The following L3MBTL4 variants were observed in gnomAD, a reference collection of about 807,000 sequenced individuals.
L3MBTL4 encodes L3MBTL histone methyl-lysine binding protein 4, also known as lethal(3)malignant brain tumor-like protein 4.
A neutral mutation model predicts 84.5 loss-of-function variants in L3MBTL4; 70 were observed. That is an observed-to-expected ratio of 0.83 (90% CI 0.68 to 1.01). The LOEUF (loss-of-function observed/expected upper bound fraction) is 1.01, where lower values mean the gene tolerates loss of function less well. Ranked by LOEUF, L3MBTL4 falls within the 50% of genes least tolerant of loss-of-function variation. The pLI is 0.00. For missense variants in L3MBTL4, 715 were observed against 754.8 expected (o/e 0.95, Z 0.62); for synonymous variants, 274 against 259.8 (o/e 1.05, Z -0.52).
intron 14 of L3MBTL4, among the ~76,000 whole-genome samples, chr18:6,109,417 C>T (rs1430108457): frequency 6.6e-6 from 1 of 152,122 alleles, no homozygotes; most frequent in Non-Finnish European, 1.5e-5. Context: ...GGATAATCAA[C>T]TCCAAGTTCC....
intron 16 of L3MBTL4, among the ~76,000 whole-genome samples, chr18:6,071,761 A>AAAAGAAAGAAAGAAAG (rs201841975): frequency 0.021 from 1,906 of 92,058 alleles, 24 homozygotes; most frequent in Non-Finnish European, 0.029. Context: ...AAGAAAGAAA[A>AAAAGAAAGAAAGAAAG]AAAGAAAGAA....
intron 13 of L3MBTL4, among the ~76,000 whole-genome samples, chr18:6,166,866 C>CA (rs1426656129): frequency 2.0e-5 from 3 of 152,022 alleles, no homozygotes; most frequent in East Asian, 1.9e-4. Context: ...AAAAACCCTT[C>CA]AAAAAATCAA....
intron 16 of L3MBTL4, among the ~76,000 whole-genome samples, chr18:6,007,132 C>T (rs35004756): frequency 0.082 from 12,384 of 151,800 alleles, 712 homozygotes; most frequent in Non-Finnish European, 0.12. Context: ...ACAAACATAA[C>T]GCTCACAAAA....
Position 6,080,890 on chromosome 18 carries a change from G to T in L3MBTL4, c.1435C>A (p.Leu479Ile). The change falls in exon 16 of 19, where the codon CTC (leucine) becomes ATC (isoleucine). Residue 479 changes from leucine to isoleucine, a missense_variant. By Grantham distance (5) the Leu-to-Ile change is conservative. Transcript: ENST00000317931. ...GTGTTTTTGTTTTTACCTCTGAAGAGATTATCCAAGTCAATATCTTCTTTT... is the reference window on the plus strand; with the variant it reads ...GTGTTTTTGTTTTTACCTCTGAAGATATTATCCAAGTCAATATCTTCTTTT... Reference protein sequence around the residue: ...KGKEDIDLDNLFREYSVEQAQ... With the variant: ...KGKEDIDLDNIFREYSVEQAQ... 1 of 1,604,300 alleles carries T rather than the reference G, an allele frequency of 6.2e-7. No homozygotes were observed. The highest frequency in any genetic ancestry group is 8.5e-7 in the Non-Finnish European group (1 of 1,174,422).
chr18:6,086,398 C>A (rs549829308), intron 15 of L3MBTL4, among the ~76,000 whole-genome samples: 25 of 152,244 alleles, frequency 1.6e-4, no homozygotes, highest in South Asian at 4.1e-4. Context: ...AAATTCTTTA[C>A]GAGAATCAGC....
intron 16 of L3MBTL4, among the ~76,000 whole-genome samples, chr18:5,972,351 T>G (rs2144839093): frequency 6.6e-6 from 1 of 152,278 alleles, no homozygotes; most frequent in Non-Finnish European, 1.5e-5. Context: ...AGTCCCTGGA[T>G]AGGGAATCTG....
intron 4 of L3MBTL4, among the ~76,000 whole-genome samples, chr18:6,295,683 G>C (rs1019080396): frequency 6.6e-6 from 1 of 152,118 alleles, no homozygotes; most frequent in Non-Finnish European, 1.5e-5. Context: ...AATTATTGAA[G>C]TGCCCCTGCA....
chr18:6,112,691 A>T (rs1215571429), intron 14 of L3MBTL4, among the ~76,000 whole-genome samples: 1 of 152,226 alleles, frequency 6.6e-6, no homozygotes, highest in African/African-American at 2.4e-5. Context: ...ATACAATAAA[A>T]GTATAAGTTA....
chr18:6,344,962 T>C (rs1318617703), intron 1 of L3MBTL4, among the ~76,000 whole-genome samples: 2 of 151,986 alleles, frequency 1.3e-5, no homozygotes, highest in Admixed American at 6.6e-5. Context: ...ACTCTCGACA[T>C]GGTACTAGAA....
intron 1 of L3MBTL4, among the ~76,000 whole-genome samples, chr18:6,394,134 T>C (rs1464192805): frequency 6.8e-6 from 1 of 147,888 alleles, no homozygotes; most frequent in Middle Eastern, 3.5e-3. Flanking sequence ...ACCTTTACTC[T>C]ATGTTACTTT....
intron 5 of L3MBTL4, among the ~76,000 whole-genome samples, chr18:6,251,486 C>A (rs901046467): frequency 3.3e-5 from 5 of 152,126 alleles, no homozygotes; most frequent in Non-Finnish European, 7.3e-5. Flanking sequence ...TAAGTACTTA[C>A]AAATATTAAC....
rs563412444 is a variant in L3MBTL4 at position 6,205,375 on chromosome 18, T to C, written c.981+7774A>G. On this transcript the variant is annotated intron_variant, in intron 12 of 18. Coordinates refer to ENST00000317931, the MANE Select transcript of L3MBTL4 (RefSeq NM_001330559.2). ...TTTTAGACCAGTGACACTTCTGACC[T>C]AGAGAAATGTAACATAGTAAATTTG... Among the ~76,000 whole-genome samples, 3 of 152,342 alleles carry C rather than the reference T, an allele frequency of 2.0e-5. No homozygotes were observed. In the East Asian group the frequency reaches 5.8e-4, roughly 29 times the overall value.
At chr18:6,262,042 C>T (rs192957778) in intron 5 of L3MBTL4, among the ~76,000 whole-genome samples, 75 of 152,280 alleles carry the variant, frequency 4.9e-4, no homozygotes, top group African/African-American at 1.5e-3. Flanking sequence ...GGTGTGACTC[C>T]TAAGCCACAG....
intron 17 of L3MBTL4, among the ~76,000 whole-genome samples, chr18:5,961,757 G>GT (rs5822879): frequency 0.47 from 71,308 of 151,696 alleles, 17,143 homozygotes; most frequent in East Asian, 0.58. Flanking sequence ...AGGAAGCCGA[G>GT]CTGTTTGTTG....
At chr18:6,120,491 CTT>C (rs555642600) in intron 14 of L3MBTL4, among the ~76,000 whole-genome samples, 94 of 152,262 alleles carry the variant, frequency 6.2e-4, no homozygotes, top group African/African-American at 2.1e-3. Flanking sequence ...GTTTGAAAAA[CTT>C]TTTAAAATTG....
At chr18:6,327,689 C>T (rs8092005) in intron 1 of L3MBTL4, among the ~76,000 whole-genome samples, 9,878 of 152,220 alleles carry the variant, frequency 0.065, 971 homozygotes, top group African/African-American at 0.21. Flanking sequence ...CAATGCTTCA[C>T]TTCTTTCAAA....
chr18:6,292,466 T>C (rs1383130123), intron 4 of L3MBTL4, among the ~76,000 whole-genome samples: 1 of 152,194 alleles, frequency 6.6e-6, no homozygotes, highest in Non-Finnish European at 1.5e-5. Context: ...AGGAATTTGA[T>C]GCTGGATTCC....
At chr18:6,092,730 T>C (rs769812649) in intron 15 of L3MBTL4, among the ~76,000 whole-genome samples, 1 of 152,232 alleles carries the variant, frequency 6.6e-6, no homozygotes, top group Non-Finnish European at 1.5e-5. Context: ...TTTAAATTAT[T>C]TTACTCATTT....
intron 12 of L3MBTL4, among the ~76,000 whole-genome samples, chr18:6,188,905 C>G (rs1446392240): frequency 1.3e-5 from 2 of 152,232 alleles, no homozygotes; most frequent in African/African-American, 4.8e-5. Context: ...AAAGCTAAAA[C>G]TGCAACCTGC....
Sources: gnomAD v4.1 joint callset for allele counts (sites outside exome capture counted in the v4.1 genomes callset) on GRCh38, gnomAD v4.1.1 for gene constraint, MANE v1.5 for transcripts, NCBI Gene and HGNC (gene_info 2026-07-23, HGNC 2026-07-21) for gene names.